The following ACSM1 variants were observed in gnomAD, a reference collection of about 807,000 sequenced individuals.
The protein encoded by ACSM1 is acyl-coenzyme A synthetase ACSM1, mitochondrial.
In ACSM1, 79 loss-of-function variants were observed where a neutral mutation model predicts 75.8. The ratio of observed to expected loss-of-function variants is 1.04; its 90% CI spans 0.87 to 1.26. The LOEUF (loss-of-function observed/expected upper bound fraction) is 1.26, where lower values mean the gene tolerates loss of function less well. Ranked by LOEUF, ACSM1 falls within the 50% of genes most tolerant of loss-of-function variation. The pLI is 0.00. For synonymous variants in ACSM1, 279 were observed against 265.8 expected (o/e 1.05, Z -0.48); for missense variants, 676 against 720.1 (o/e 0.94, Z 0.70).
In ACSM1 at chr16:20,623,533, T is replaced by C. The variant is rs765059712; in HGVS notation, c.1687A>G (p.Lys563Glu). The change falls in exon 14 of 14, where the codon AAG (lysine) becomes GAG (glutamate). Residue 563 changes from lysine (K) to glutamate (E), a missense_variant. Lys to Glu is a moderately conservative substitution (Grantham distance 56). Transcript: ENST00000520010. Reference sequence around the variant, plus strand: ...TTCCGAAGTTCCTTCCGTTCAATCTTGCCAGTGATGGTTTTTGGCAGCTCT... The same window carrying C: ...TTCCGAAGTTCCTTCCGTTCAATCTCGCCAGTGATGGTTTTTGGCAGCTCT... ...VSELPKTITG[K>E]IERKELRKKE... 6 of 1,614,026 alleles carry C rather than the reference T, an allele frequency of 3.7e-6. No homozygotes were observed. The highest frequency in any genetic ancestry group is 5.1e-6 in the Non-Finnish European group (6 of 1,180,008).
At chr16:20,676,405 A>G (rs942701685) in intron 4 of ACSM1, among the ~76,000 whole-genome samples, 1 of 152,194 alleles carries the variant, frequency 6.6e-6, no homozygotes, top group African/African-American at 2.4e-5. Context: ...CAGTTTTAAG[A>G]AAGACTTTTT....
chr16:20,658,461 T>C lies in ACSM1; in HGVS notation c.992+3333A>G, dbSNP rs996516220. 7.2e-5 allele frequency among the ~76,000 whole-genome samples: 11 copies of C among 152,104 alleles called. No homozygotes were observed. The South Asian group carries it at 2.3e-3, about 32-fold the overall frequency. ...CCCACTTTTTGATGGGGTTGTTCTTTTTTTTTTGACTTAAAATCATTTCTA... is the reference window on the plus strand; with the variant it reads ...CCCACTTTTTGATGGGGTTGTTCTTCTTTTTTTGACTTAAAATCATTTCTA... On this transcript the variant is annotated intron_variant, in intron 7 of 13. Coordinates refer to ENST00000520010, the MANE Select transcript of ACSM1 (RefSeq NM_001318890.3).
chr16:20,684,256 C>G (rs1303013118), intron 3 of ACSM1, among the ~76,000 whole-genome samples: 1 of 152,192 alleles, frequency 6.6e-6, no homozygotes, highest in Non-Finnish European at 1.5e-5. Flanking sequence ...AAAGAATCAT[C>G]ACTAGGTACT....
At position 20,623,474 on chromosome 16, in the gene ACSM1, G is replaced by C; in HGVS notation, c.*12C>G. 1 of 1,613,080 alleles carries C rather than the reference G, an allele frequency of 6.2e-7. No homozygotes were observed. The highest frequency in any genetic ancestry group is 8.5e-7 in the Non-Finnish European group (1 of 1,179,082). ...GCCTTAGGTGTGCAGTGCGTTCTGA[G>C]TTCACTGCCGATTACATCTGACCAG... On this transcript the variant is annotated 3_prime_UTR_variant, in exon 14 of 14. Transcript: ENST00000520010.
At chr16:20,633,368 G>A (rs977867805) in intron 10 of ACSM1, among the ~76,000 whole-genome samples, 1 of 152,082 alleles carries the variant, frequency 6.6e-6, no homozygotes, top group African/African-American at 2.4e-5. Flanking sequence ...GCACTTCTGT[G>A]CACTAAAAAT....
At chr16:20,635,115 C>T (rs1405556890) in intron 10 of ACSM1, among the ~76,000 whole-genome samples, 1 of 152,022 alleles carries the variant, frequency 6.6e-6, no homozygotes, top group East Asian at 1.9e-4. Context: ...AAAAAATTAG[C>T]TGGGTGCAAT....
At chr16:20,654,038 T>G (rs931668279) in intron 7 of ACSM1, among the ~76,000 whole-genome samples, 16 of 152,184 alleles carry the variant, frequency 1.1e-4, no homozygotes, top group Non-Finnish European at 2.9e-5. Flanking sequence ...AACAGCATGG[T>G]ACTGTTACCA....
intron 10 of ACSM1, among the ~76,000 whole-genome samples, chr16:20,631,370 A>T (rs2017333353): frequency 6.6e-6 from 1 of 152,246 alleles, no homozygotes; most frequent in South Asian, 2.1e-4. Flanking sequence ...AAAAAATCAG[A>T]AAACAATAGA....
chr16:20,641,159 T>C (rs990423429), intron 7 of ACSM1, among the ~76,000 whole-genome samples: 9 of 151,782 alleles, frequency 5.9e-5, no homozygotes, highest in Non-Finnish European at 8.8e-5. Flanking sequence ...AGAAGGAATT[T>C]CAGAGAAAAC....
At chr16:20,692,693 T>G (rs2079665406) in intron 1 of ACSM1, among the ~76,000 whole-genome samples, 1 of 152,226 alleles carries the variant, frequency 6.6e-6, no homozygotes, top group African/African-American at 2.4e-5. Flanking sequence ...CAGGGCAATT[T>G]CAAGGTATGG....
intron 10 of ACSM1, among the ~76,000 whole-genome samples, chr16:20,630,125 T>G (rs187094236): frequency 5.0e-4 from 76 of 151,990 alleles, no homozygotes; most frequent in East Asian, 4.6e-3. Flanking sequence ...AAACTTGTTT[T>G]TTTTTTTTTT....
chr16:20,624,257 C>T (rs373790095), intron 12 of ACSM1, 42 bp from the exon 13 acceptor site: 93 of 1,558,834 alleles, frequency 6.0e-5, no homozygotes, highest in Non-Finnish European at 7.8e-5. Context: ...TGCCAACCTA[C>T]TCCATAGCTT....
intron 3 of ACSM1, among the ~76,000 whole-genome samples, chr16:20,684,165 A>G (rs980527772): frequency 6.6e-6 from 1 of 152,214 alleles, no homozygotes; most frequent in African/African-American, 2.4e-5. Context: ...AAATCTCTAC[A>G]TAAGAATTCT....
chr16:20,640,585 C>T lies in ACSM1; in HGVS notation c.993-1G>A. ...GTGCTCCAGGGCAGGGAACCTGATG[C>T]TTAGAGGAAGACAAGGTGCCAGGCA... On this transcript the variant is annotated splice_acceptor_variant, in intron 7 of 13. Transcript: ENST00000520010. LOFTEE classifies it high-confidence loss of function. 1 of 1,614,124 alleles carries T rather than the reference C, an allele frequency of 6.2e-7. No homozygotes were observed. Among genetic ancestry groups the T allele is most frequent in the Non-Finnish European group, 8.5e-7 (1 of 1,179,972 alleles).
intron 4 of ACSM1, among the ~76,000 whole-genome samples, chr16:20,676,988 TC>T (rs796444950): frequency 9.2e-5 from 14 of 152,094 alleles, no homozygotes; most frequent in African/African-American, 3.4e-4. Flanking sequence ...TCTAAAAGTC[TC>T]CAGTATTTAA....
At chr16:20,670,581 G>A (rs1030426497) in intron 5 of ACSM1, among the ~76,000 whole-genome samples, 1 of 152,088 alleles carries the variant, frequency 6.6e-6, no homozygotes, top group Non-Finnish European at 1.5e-5. Context: ...TCCTAATAAA[G>A]TCCAAAATCT....
At chr16:20,643,741 C>A (rs1379570173) in intron 7 of ACSM1, among the ~76,000 whole-genome samples, 1 of 152,246 alleles carries the variant, frequency 6.6e-6, no homozygotes, top group Non-Finnish European at 1.5e-5. Context: ...CTCCATTTTA[C>A]AGAGTGCTGA....
intron 10 of ACSM1, among the ~76,000 whole-genome samples, chr16:20,627,889 T>G (rs1054644013): frequency 2.6e-5 from 1 of 37,806 alleles, no homozygotes; most frequent in Non-Finnish European, 5.8e-5. Flanking sequence ...TATATATATA[T>G]ATATATATAT....
intron 6 of ACSM1, among the ~76,000 whole-genome samples, 176 bp from the exon 7 acceptor site, chr16:20,662,049 T>C (rs1007248147): frequency 6.6e-6 from 1 of 152,106 alleles, no homozygotes; most frequent in Non-Finnish European, 1.5e-5. Context: ...TCAGGTACTG[T>C]TGGGGAAATA....
Sources: allele counts gnomAD v4.1 joint callset (sites outside exome capture counted in the v4.1 genomes callset), GRCh38; gene constraint gnomAD v4.1.1; transcripts MANE v1.5; gene names NCBI Gene and HGNC (gene_info 2026-07-23, HGNC 2026-07-21).